The following SPATA22 variants were observed in gnomAD, a reference collection of about 807,000 sequenced individuals.
The protein encoded by SPATA22 is spermatogenesis-associated protein 22.
SPATA22 carries 29 observed loss-of-function variants against 47.8 expected under a neutral mutation model. That is an observed-to-expected ratio of 0.61 (90% CI 0.45 to 0.83). The LOEUF (loss-of-function observed/expected upper bound fraction) is 0.83, where lower values mean the gene tolerates loss of function less well. Among genes scored for constraint, SPATA22 ranks in the 40% least tolerant of loss-of-function variants. The pLI is 0.00. For missense variants in SPATA22, 410 were observed against 421.7 expected (o/e 0.97, Z 0.24); for synonymous variants, 133 against 140.9 (o/e 0.94, Z 0.40).
chr17:3,487,571 T>A (rs1186028758), intron 1 of SPATA22, among the ~76,000 whole-genome samples: 1 of 152,234 alleles, frequency 6.6e-6, no homozygotes, highest in African/African-American at 2.4e-5. Flanking sequence ...AAACAGGATC[T>A]GTATCTCTTA....
At chr17:3,444,889 T>C (rs1354488424) in intron 7 of SPATA22, among the ~76,000 whole-genome samples, 3 of 152,030 alleles carry the variant, frequency 2.0e-5, no homozygotes, top group Non-Finnish European at 4.4e-5. Flanking sequence ...TCAGGATTAT[T>C]ATAGCACTAT....
At chr17:3,458,478 T>A (rs2073045830) in intron 5 of SPATA22, among the ~76,000 whole-genome samples, 1 of 152,148 alleles carries the variant, frequency 6.6e-6, no homozygotes, top group Non-Finnish European at 1.5e-5. Context: ...TCTGGATGTA[T>A]ATCCAAAGGA....
intron 1 of SPATA22, among the ~76,000 whole-genome samples, chr17:3,484,525 G>C (rs1444483139): frequency 6.6e-6 from 1 of 152,048 alleles, no homozygotes; most frequent in Non-Finnish European, 1.5e-5. Flanking sequence ...TGTGTTTGGG[G>C]GAGGAAAGGA....
At chr17:3,497,502 G>A (rs760448906) in intron 1 of SPATA22, among the ~76,000 whole-genome samples, 3 of 152,256 alleles carry the variant, frequency 2.0e-5, no homozygotes, top group African/African-American at 4.8e-5. Context: ...AAAAATGAGC[G>A]AATTTCACTG....
In SPATA22 at chr17:3,465,139, C is replaced by T. The variant is rs576960892; in HGVS notation, c.172+2287G>A. Among the ~76,000 whole-genome samples the T allele has an allele frequency of 1.1e-4, 13 of 120,584 alleles. 2 individuals carry two copies. In the South Asian group the frequency reaches 1.7e-3, roughly 16 times the overall value. The allele number at this position is 120,584 out of a possible 152,430, so 79.1% of individuals were successfully genotyped here. Reference sequence around the variant, plus strand: ...GAGCGTCTCCGCCCGGCAGCCACCCCGTCCGGGAGGGAGGTGGGGGGGTCA... The same window carrying T: ...GAGCGTCTCCGCCCGGCAGCCACCCTGTCCGGGAGGGAGGTGGGGGGGTCA... On this transcript the variant is annotated intron_variant, in intron 3 of 8. Transcript: ENST00000572969.
At chr17:3,493,575 A>AAT (rs1328956421) in intron 1 of SPATA22, among the ~76,000 whole-genome samples, 1 of 151,104 alleles carries the variant, frequency 6.6e-6, no homozygotes, top group Non-Finnish European at 1.5e-5. Flanking sequence ...AAAAAAAAAA[A>AAT]AAAAAAAAGG....
At chr17:3,447,109 T>C (rs9907604) in intron 6 of SPATA22, among the ~76,000 whole-genome samples, 6,667 of 151,786 alleles carry the variant, frequency 0.044, 284 homozygotes, top group East Asian at 0.11. Flanking sequence ...AAAAAATAAG[T>C]AAACATATAA....
At chr17:3,467,197 A>C (rs1649203697) in intron 3 of SPATA22, among the ~76,000 whole-genome samples, 1 of 152,228 alleles carries the variant, frequency 6.6e-6, no homozygotes, top group Non-Finnish European at 1.5e-5. Context: ...CTTTATTAGA[A>C]CAAAGACTCC....
chr17:3,481,472 T>A (rs1597429531), intron 1 of SPATA22: 1 of 818,126 alleles, frequency 1.2e-6, no homozygotes, highest in East Asian at 2.7e-5. Context: ...TTCAGGTAAG[T>A]TTTTACTTAC....
intron 1 of SPATA22, among the ~76,000 whole-genome samples, chr17:3,509,391 C>T (rs1323553170): frequency 6.6e-6 from 1 of 152,074 alleles, no homozygotes; most frequent in African/African-American, 2.4e-5. Context: ...TGTTCAATTC[C>T]ACTTATGAGT....
chr17:3,448,537 C>T (rs1414422877), intron 6 of SPATA22, among the ~76,000 whole-genome samples: 1 of 152,156 alleles, frequency 6.6e-6, no homozygotes, highest in East Asian at 1.9e-4. Context: ...GATAAACTGT[C>T]TTTATCTTTA....
chr17:3,448,569 C>T lies in SPATA22; in HGVS notation c.672+238G>A, dbSNP rs141061276. 8.5e-5 allele frequency among the ~76,000 whole-genome samples: 13 copies of T among 152,248 alleles called. No homozygotes were observed. In the East Asian group the frequency reaches 2.5e-3, roughly 29 times the overall value. ...TTTAAAATGAGTGTAAAGTGAAAGT[C>T]AGAATCCAGCAGAAAACTCTAAAGT... On this transcript the variant is annotated intron_variant, in intron 6 of 8. Coordinates refer to ENST00000572969, the MANE Select transcript of SPATA22 (RefSeq NM_001170698.2).
In SPATA22 at chr17:3,441,176, GATTAT is replaced by G. The variant is rs1158638815; in HGVS notation, c.901-843_901-839del. On this transcript the variant is annotated intron_variant, in intron 8 of 8. Coordinates refer to ENST00000572969, the MANE Select transcript of SPATA22 (RefSeq NM_001170698.2). ...GGGAAAGACTAATTATTGATAAAAG[GATTAT>G]ATGAAAATGAAAAACTTCTGTTTAT... The G allele has an allele frequency of 3.9e-5, 6 of 152,058 alleles. 1 individual carries two copies. The South Asian group carries it at 1.2e-3, about 32-fold the overall frequency. 9.4% of individuals were successfully genotyped at this position (152,058 alleles called of 1,614,324 possible).
At chr17:3,466,261 G>C (rs577637339) in intron 3 of SPATA22, among the ~76,000 whole-genome samples, 2 of 150,936 alleles carry the variant, frequency 1.3e-5, no homozygotes, top group African/African-American at 4.9e-5. Flanking sequence ...TTTTTAAAAT[G>C]TGCCCCCAAA....
intron 1 of SPATA22, among the ~76,000 whole-genome samples, chr17:3,484,679 C>T (rs1285565836): frequency 1.3e-5 from 2 of 152,228 alleles, no homozygotes; most frequent in African/African-American, 4.8e-5. Context: ...AAAACGATCA[C>T]ATACTTGAAT....
intron 5 of SPATA22, among the ~76,000 whole-genome samples, chr17:3,450,510 G>A (rs1192417187): frequency 2.0e-5 from 3 of 152,122 alleles, no homozygotes; most frequent in Non-Finnish European, 4.4e-5. Context: ...TTCTTCATAC[G>A]ACAATAATTT....
At chr17:3,495,184 T>G (rs371549015) in intron 1 of SPATA22, among the ~76,000 whole-genome samples, 124 of 152,120 alleles carry the variant, frequency 8.2e-4, no homozygotes, top group African/African-American at 2.8e-3. Flanking sequence ...AAAGCCAAAG[T>G]ATCCATTCCC....
At chr17:3,471,994 A>T (rs1308895777), upstream of SPATA22, 3 of 398,780 alleles carry the variant, frequency 7.5e-6, no homozygotes, top group East Asian at 3.2e-4. Flanking sequence ...AGTTTTGCCC[A>T]GAGAGGAAAG....
intron 5 of SPATA22, among the ~76,000 whole-genome samples, chr17:3,453,955 T>C (rs1330151602): frequency 6.6e-6 from 1 of 152,144 alleles, no homozygotes; most frequent in Non-Finnish European, 1.5e-5. Flanking sequence ...GCAGATGACA[T>C]GATCTTGTAT....
Sources: allele counts gnomAD v4.1 joint callset (sites outside exome capture counted in the v4.1 genomes callset), GRCh38; gene constraint gnomAD v4.1.1; transcripts MANE v1.5; gene names NCBI Gene and HGNC (gene_info 2026-07-23, HGNC 2026-07-21).